CELF4: variants seen among roughly 807,000 people sequenced by gnomAD.
CELF4 encodes CUGBP Elav-like family member 4.
CELF4 carries 18 observed loss-of-function variants against 59.9 expected under a neutral mutation model. The observed-to-expected ratio is 0.30, with a 90% CI of 0.21 to 0.45. The LOEUF is 0.45. CELF4 is among the 20% of genes least tolerant of loss of function. CELF4 has a pLI of 1.00. For synonymous variants in CELF4, 261 were observed against 267.1 expected, an observed-to-expected ratio of 0.98 and a Z score of 0.22; for missense variants, 456 against 689.0, an observed-to-expected ratio of 0.66 and a Z score of 3.79.
chr18:37,518,679 G>A (rs1310130650), intron 1 of CELF4, among the ~76,000 whole-genome samples: 1 of 152,156 alleles, frequency 6.6e-6, no homozygotes, highest in African/African-American at 2.4e-5. Flanking sequence ...CCTACCTCAG[G>A]CAATCTTGCT....
chr18:37,398,500 G>A (rs1017092472), intron 2 of CELF4, among the ~76,000 whole-genome samples: 2 of 152,148 alleles, frequency 1.3e-5, no homozygotes, highest in Non-Finnish European at 2.9e-5. Context: ...TCCTAGCCTC[G>A]GGGCAGTGGG....
At chr18:37,351,673 C>G (rs553297552) in intron 2 of CELF4, among the ~76,000 whole-genome samples, 2 of 146,540 alleles carry the variant, frequency 1.4e-5, no homozygotes, top group Non-Finnish European at 3.0e-5. Context: ...TGCAGTGGTG[C>G]GATCTTGGCT....
intron 2 of CELF4, among the ~76,000 whole-genome samples, chr18:37,368,520 C>T (rs1013663679): frequency 4.6e-5 from 7 of 152,204 alleles, no homozygotes; most frequent in Non-Finnish European, 7.3e-5. Flanking sequence ...GGTCCTGTCC[C>T]GTCTTGTCTG....
At chr18:37,506,063 C>T (rs867074030) in intron 1 of CELF4, among the ~76,000 whole-genome samples, 4 of 151,466 alleles carry the variant, frequency 2.6e-5, no homozygotes, top group African/African-American at 7.3e-5. Context: ...TTTCTCCCCC[C>T]TCCCCTCCCA....
intron 2 of CELF4, among the ~76,000 whole-genome samples, chr18:37,346,406 C>A (rs1182846662): frequency 6.6e-6 from 1 of 152,154 alleles, no homozygotes; most frequent in Non-Finnish European, 1.5e-5. Context: ...GTGACAGAGG[C>A]AGGGCAGGTT....
chr18:37,379,918 A>G (rs1243344634), intron 2 of CELF4, among the ~76,000 whole-genome samples: 1 of 152,132 alleles, frequency 6.6e-6, no homozygotes. Context: ...GGAGGCCAAG[A>G]TGCTTTCCTG....
intron 2 of CELF4, among the ~76,000 whole-genome samples, chr18:37,398,129 G>A (rs1014317718): frequency 6.6e-6 from 1 of 152,192 alleles, no homozygotes; most frequent in African/African-American, 2.4e-5. Context: ...GTGAGCTGCC[G>A]GCCCTTGCTG....
chr18:37,396,651 C>A (rs527834683), intron 2 of CELF4, among the ~76,000 whole-genome samples: 1 of 152,212 alleles, frequency 6.6e-6, no homozygotes, highest in African/African-American at 2.4e-5. Context: ...TTGCCAGTGT[C>A]CTTATAAGAG....
chr18:37,387,307 C>T (rs1296509585), intron 2 of CELF4, among the ~76,000 whole-genome samples: 2 of 152,234 alleles, frequency 1.3e-5, no homozygotes, highest in African/African-American at 2.4e-5. Flanking sequence ...GCCTTGCTCC[C>T]TCCCCAAACC....
chr18:37,510,286 C>G (rs114851195), intron 1 of CELF4, among the ~76,000 whole-genome samples: 2 of 152,212 alleles, frequency 1.3e-5, no homozygotes, highest in Admixed American at 6.5e-5. Context: ...TTCCTCAGTG[C>G]ATGCCAGGCT....
chr18:37,421,165 T>C (rs1786823), intron 2 of CELF4, among the ~76,000 whole-genome samples: 139,288 of 151,998 alleles, frequency 0.92, 65,081 homozygotes, highest in East Asian at 1. Context: ...CAGTTCCCTA[T>C]CCGGGTCATG....
chr18:37,349,220 G>T (rs569563221), intron 2 of CELF4, among the ~76,000 whole-genome samples: 1 of 152,206 alleles, frequency 6.6e-6, no homozygotes, highest in Non-Finnish European at 1.5e-5. Context: ...TTCTGAGGTG[G>T]GCCCTGCCCT....
At chr18:37,430,845 T>C (rs985870066) in intron 2 of CELF4, among the ~76,000 whole-genome samples, 28 of 152,154 alleles carry the variant, frequency 1.8e-4, no homozygotes, top group Admixed American at 1.8e-3. Context: ...CCTTACCCCA[T>C]GGGGATCTGG....
chr18:37,302,460 C>T (rs953706916), intron 3 of CELF4, among the ~76,000 whole-genome samples: 2 of 152,168 alleles, frequency 1.3e-5, no homozygotes, highest in Non-Finnish European at 2.9e-5. Context: ...CAACATGGCC[C>T]CTGGGAGCCC....
chr18:37,258,069 T>C (rs569663218), intron 11 of CELF4, among the ~76,000 whole-genome samples: 1 of 152,228 alleles, frequency 6.6e-6, no homozygotes, highest in Non-Finnish European at 1.5e-5. Flanking sequence ...TAAAAATGTA[T>C]CCTTTGTCTA....
chr18:37,288,459 TTATGAAG>T (rs1458854327), intron 3 of CELF4, among the ~76,000 whole-genome samples: 1 of 152,200 alleles, frequency 6.6e-6, no homozygotes, highest in Non-Finnish European at 1.5e-5. Flanking sequence ...CACTTTAACC[TTATGAAG>T]TGGGCACCAC....
intron 2 of CELF4, among the ~76,000 whole-genome samples, chr18:37,415,924 A>G (rs2099523881): frequency 6.6e-6 from 1 of 152,254 alleles, no homozygotes; most frequent in African/African-American, 2.4e-5. Flanking sequence ...TTCATACAGG[A>G]GAACGAGGCT....
intron 2 of CELF4, among the ~76,000 whole-genome samples, chr18:37,463,846 C>T (rs1423318101): frequency 6.6e-6 from 1 of 152,132 alleles, no homozygotes; most frequent in African/African-American, 2.4e-5. Flanking sequence ...CTAATCTGTC[C>T]CCACCCAACT....
chr18:37,467,359 T>C (rs1932966723), intron 2 of CELF4, among the ~76,000 whole-genome samples: 1 of 152,152 alleles, frequency 6.6e-6, no homozygotes, highest in African/African-American at 2.4e-5. Flanking sequence ...ATGCAGGCCA[T>C]GTCTGGAACT....
Sources: allele counts gnomAD v4.1 joint callset (sites outside exome capture counted in the v4.1 genomes callset), GRCh38; gene constraint gnomAD v4.1.1; transcripts MANE v1.5; gene names NCBI Gene and HGNC (gene_info 2026-07-23, HGNC 2026-07-21).